The following STAG1 variants were observed in gnomAD, a reference collection of about 807,000 sequenced individuals.
STAG1 encodes cohesin subunit SA-1.
STAG1 carries 26 observed loss-of-function variants against 170.9 expected under a neutral mutation model. The ratio of observed to expected loss-of-function variants is 0.15; its 90% CI spans 0.11 to 0.21. The LOEUF is 0.21. Ranked by LOEUF, STAG1 falls within the 10% of genes least tolerant of loss-of-function variation. The probability of loss-of-function intolerance (pLI) is 1.00; values close to 1 mark genes in which losing one functional copy is unlikely to be tolerated. For synonymous variants in STAG1, 514 were observed against 497.7 expected (o/e 1.03, Z -0.44); for missense variants, 964 against 1,509.5 (o/e 0.64, Z 5.99).
intron 5 of STAG1, among the ~76,000 whole-genome samples, chr3:136,556,944 A>G (rs925528921): frequency 6.6e-6 from 1 of 152,094 alleles, no homozygotes; most frequent in Non-Finnish European, 1.5e-5. Flanking sequence ...TAGTCAAGAA[A>G]TTTTTTGACC....
chr3:136,665,944 G>A (rs1576736554), intron 1 of STAG1, among the ~76,000 whole-genome samples: 3 of 145,962 alleles, frequency 2.1e-5, no homozygotes, highest in African/African-American at 5.0e-5. Context: ...GTGAGGTGGC[G>A]GGCACATGTA....
intron 21 of STAG1, among the ~76,000 whole-genome samples, chr3:136,400,593 T>C (rs952436365): frequency 3.3e-5 from 5 of 151,662 alleles, no homozygotes; most frequent in South Asian, 2.1e-4. Flanking sequence ...GGGAGTGCAA[T>C]GGCACTGTCT....
chr3:136,666,933 T>C (rs368682999), intron 1 of STAG1, among the ~76,000 whole-genome samples: 10 of 151,918 alleles, frequency 6.6e-5, no homozygotes, highest in African/African-American at 2.2e-4. Context: ...CAGCTGAGCA[T>C]CTAGAAAGAA....
intron 1 of STAG1, among the ~76,000 whole-genome samples, chr3:136,716,589 T>A (rs1943547456): frequency 6.6e-6 from 1 of 152,226 alleles, no homozygotes; most frequent in South Asian, 2.1e-4. Context: ...GAAGGTGCAG[T>A]GAGCCATGAT....
In STAG1 at chr3:136,401,182, C is replaced by T. The variant is rs570472492; in HGVS notation, c.2197-2353G>A. Among the ~76,000 whole-genome samples the T allele has an allele frequency of 1.9e-3, 284 of 152,310 alleles. 1 individual carries two copies. The highest frequency in any genetic ancestry group is 4.3e-3 in the Admixed American group (66 of 15,302). On this transcript the variant is annotated intron_variant, in intron 21 of 33. Coordinates refer to ENST00000383202, the MANE Select transcript of STAG1 (RefSeq NM_005862.3). Reference sequence around the variant, plus strand: ...TGACTTCATGGACCTCTCCTGGAAACCGCCCATGGGTTCCCAGGCCACATT... The same window carrying T: ...TGACTTCATGGACCTCTCCTGGAAATCGCCCATGGGTTCCCAGGCCACATT...
chr3:136,563,024 G>A (rs1184236408), intron 5 of STAG1, among the ~76,000 whole-genome samples: 2 of 152,192 alleles, frequency 1.3e-5, no homozygotes, highest in Non-Finnish European at 2.9e-5. Context: ...GAATATCACA[G>A]AAGTGATGTT....
intron 15 of STAG1, among the ~76,000 whole-genome samples, chr3:136,434,666 G>A (rs973815468): frequency 1.3e-5 from 2 of 152,092 alleles, no homozygotes; most frequent in Non-Finnish European, 2.9e-5. Context: ...TTTTTAAAAA[G>A]CCACGTCTGT....
At chr3:136,484,294 A>T in intron 9 of STAG1, among the ~76,000 whole-genome samples, 1 of 151,028 alleles carries the variant, frequency 6.6e-6, no homozygotes, top group East Asian at 2.0e-4. Context: ...TTTCCTTCTA[A>T]CAGACAGGAC....
chr3:136,745,351 G>A (rs555525767), intron 1 of STAG1, among the ~76,000 whole-genome samples: 2 of 152,238 alleles, frequency 1.3e-5, no homozygotes, highest in East Asian at 3.9e-4. Context: ...AAGAAGGCAA[G>A]ATTTATGACA....
At chr3:136,502,831 T>C in intron 7 of STAG1, 52 bp from the exon 8 acceptor site, 3 of 1,365,600 alleles carry the variant, frequency 2.2e-6, no homozygotes, top group South Asian at 2.0e-5. Context: ...TTTATCCATA[T>C]AAGATTACAA....
intron 7 of STAG1, among the ~76,000 whole-genome samples, chr3:136,514,710 C>T (rs1342593690): frequency 6.6e-6 from 1 of 152,184 alleles, no homozygotes; most frequent in African/African-American, 2.4e-5. Context: ...GGCACATATA[C>T]ACCATGGAAT....
At chr3:136,570,884 G>A (rs1356537103) in intron 4 of STAG1, among the ~76,000 whole-genome samples, 1 of 152,178 alleles carries the variant, frequency 6.6e-6, no homozygotes, top group African/African-American at 2.4e-5. Flanking sequence ...TGTTTTTAAA[G>A]TAAAGAGAAA....
intron 4 of STAG1, among the ~76,000 whole-genome samples, chr3:136,584,175 G>GTT (rs1363675786): frequency 6.6e-6 from 1 of 152,186 alleles, no homozygotes; most frequent in Non-Finnish European, 1.5e-5. Flanking sequence ...ACTGGTCTTG[G>GTT]TTTCTTTCTC....
chr3:136,609,719 G>C (rs1387623801), intron 3 of STAG1: 1 of 171,072 alleles, frequency 5.8e-6, no homozygotes, highest in Non-Finnish European at 1.2e-5. Context: ...ACATTTTTAA[G>C]AAGAAGGGAA....
intron 1 of STAG1, among the ~76,000 whole-genome samples, chr3:136,731,618 A>T (rs1934046731): frequency 6.6e-6 from 1 of 152,232 alleles, no homozygotes; most frequent in Non-Finnish European, 1.5e-5. Context: ...CTAAGTTCTG[A>T]GTCTTCATAT....
intron 1 of STAG1, among the ~76,000 whole-genome samples, chr3:136,679,933 C>T (rs1942278870): frequency 6.6e-6 from 1 of 151,538 alleles, no homozygotes. Context: ...GAAGTCAGGA[C>T]ATATATTCAA....
chr3:136,545,475 G>T (rs1201412110), intron 5 of STAG1, among the ~76,000 whole-genome samples: 1 of 152,166 alleles, frequency 6.6e-6, no homozygotes, highest in Non-Finnish European at 1.5e-5. Context: ...GTCAGGATAG[G>T]AGAAGAAATG....
chr3:136,346,922 A>G (rs569025336), intron 29 of STAG1, among the ~76,000 whole-genome samples: 1 of 152,062 alleles, frequency 6.6e-6, no homozygotes, highest in East Asian at 1.9e-4. Flanking sequence ...AACAAGGTGA[A>G]ACCCTGTCTT....
chr3:136,381,048 A>G (rs541687156), intron 22 of STAG1, among the ~76,000 whole-genome samples: 2 of 151,904 alleles, frequency 1.3e-5, no homozygotes, highest in East Asian at 3.9e-4. Flanking sequence ...AAAAAAAAAA[A>G]AAAAGAAACA....
Sources: allele counts gnomAD v4.1 joint callset (sites outside exome capture counted in the v4.1 genomes callset), GRCh38; gene constraint gnomAD v4.1.1; transcripts MANE v1.5; gene names NCBI Gene and HGNC (gene_info 2026-07-23, HGNC 2026-07-21).